RYR3: variants seen among roughly 807,000 people sequenced by gnomAD.
RYR3 encodes ryanodine receptor 3, also known as brain ryanodine receptor-calcium release channel.
A neutral mutation model predicts 584.3 loss-of-function variants in RYR3; 207 were observed. That is an observed-to-expected ratio of 0.35 (90% CI 0.32 to 0.40). The LOEUF (loss-of-function observed/expected upper bound fraction) is 0.40, where lower values mean the gene tolerates loss of function less well. Among genes scored for constraint, RYR3 ranks in the 10% least tolerant of loss-of-function variants. The probability of loss-of-function intolerance (pLI) is 1.00; values close to 1 mark genes in which losing one functional copy is unlikely to be tolerated. For synonymous variants in RYR3, 2,416 were observed against 2,248.5 expected, an observed-to-expected ratio of 1.07 and a Z score of -2.11; for missense variants, 5,616 against 6,089.2, an observed-to-expected ratio of 0.92 and a Z score of 2.59.
chr15:33,631,384 C>G (rs1197790715), intron 23 of RYR3, 91 bp downstream of exon 23: 1 of 791,510 alleles, frequency 1.3e-6, no homozygotes, highest in African/African-American at 1.8e-5. Flanking sequence ...GACAACAGCC[C>G]ACATAGTTGC....
At chr15:33,655,855 A>G (rs2062797517) in intron 32 of RYR3, among the ~76,000 whole-genome samples, 1 of 152,168 alleles carries the variant, frequency 6.6e-6, no homozygotes, top group Non-Finnish European at 1.5e-5. Context: ...TCATTTTTCA[A>G]TTATGTCAAG....
At chr15:33,778,663 T>C (rs1428583267) in intron 64 of RYR3, among the ~76,000 whole-genome samples, 1 of 152,238 alleles carries the variant, frequency 6.6e-6, no homozygotes, top group African/African-American at 2.4e-5. Flanking sequence ...CAATATCACC[T>C]GCGTCTCAGC....
intron 3 of RYR3, among the ~76,000 whole-genome samples, chr15:33,505,769 A>G (rs893666593): frequency 4.6e-5 from 7 of 152,084 alleles, no homozygotes; most frequent in Non-Finnish European, 5.9e-5. Context: ...TGGGATTACA[A>G]GTGTGAGCCA....
chr15:33,532,753 A>T (rs965940716), intron 4 of RYR3, among the ~76,000 whole-genome samples: 1 of 152,184 alleles, frequency 6.6e-6, no homozygotes, highest in Non-Finnish European at 1.5e-5. Flanking sequence ...TTTCTATAAC[A>T]TATAGTTCTA....
At chr15:33,321,249 A>T (rs8035153) in intron 1 of RYR3, among the ~76,000 whole-genome samples, 9,451 of 152,234 alleles carry the variant, frequency 0.062, 901 homozygotes, top group African/African-American at 0.21. Context: ...TTCTAATAAC[A>T]CAAGGTCATC....
chr15:33,566,871 CT>C, intron 12 of RYR3, 72 bp downstream of exon 12: 1 of 1,498,370 alleles, frequency 6.7e-7, no homozygotes, highest in Non-Finnish European at 9.3e-7. Context: ...CACCCACCTC[CT>C]TTTGATACTG....
intron 10 of RYR3, among the ~76,000 whole-genome samples, chr15:33,560,772 C>A (rs2057357685): frequency 6.6e-6 from 1 of 151,742 alleles, no homozygotes; most frequent in Non-Finnish European, 1.5e-5. Context: ...TGATGAATTG[C>A]CTATAAAGAA....
At chr15:33,543,853 C>A in intron 8 of RYR3, 138 bp downstream of exon 8, 1 of 691,920 alleles carries the variant, frequency 1.4e-6, no homozygotes. Context: ...GCCATGGGTT[C>A]CGGTTTGTAA....
intron 33 of RYR3, 93 bp downstream of exon 33, chr15:33,659,899 G>A (rs7162582): frequency 5.7e-6 from 5 of 873,636 alleles, no homozygotes; most frequent in African/African-American, 3.3e-5. Flanking sequence ...GATGGGAGAA[G>A]CCTGTTCACT....
intron 93 of RYR3, 109 bp downstream of exon 93, chr15:33,845,171 G>A (rs909708425): frequency 1.1e-5 from 11 of 1,032,836 alleles, no homozygotes; most frequent in African/African-American, 6.3e-5. Context: ...AAAGGCCTTC[G>A]TAAGGTCCGT....
chr15:33,710,764 G>T (rs1455342581), intron 43 of RYR3, among the ~76,000 whole-genome samples: 1 of 152,218 alleles, frequency 6.6e-6, no homozygotes, highest in Admixed American at 6.5e-5. Context: ...CATGGAAACT[G>T]CCAAGAGTTA....
At chr15:33,488,845 T>C (rs934584923) in intron 2 of RYR3, among the ~76,000 whole-genome samples, 6 of 152,072 alleles carry the variant, frequency 3.9e-5, no homozygotes, top group African/African-American at 1.4e-4. Context: ...AGCGAGACTC[T>C]ATCTCAAAAA....
chr15:33,404,273 C>T (rs886402005), intron 1 of RYR3, among the ~76,000 whole-genome samples: 5 of 152,124 alleles, frequency 3.3e-5, no homozygotes, highest in African/African-American at 7.2e-5. Context: ...TTTTATTGAA[C>T]GTGTATGTGT....
intron 1 of RYR3, among the ~76,000 whole-genome samples, chr15:33,378,889 C>G (rs2040947775): frequency 6.6e-6 from 1 of 151,734 alleles, no homozygotes; most frequent in Non-Finnish European, 1.5e-5. Context: ...TGCTTAAGCC[C>G]AGAAGTTCAA....
At chr15:33,786,290 C>T (rs1242201938) in intron 66 of RYR3, among the ~76,000 whole-genome samples, 1 of 152,144 alleles carries the variant, frequency 6.6e-6, no homozygotes, top group Non-Finnish European at 1.5e-5. Context: ...ACTCAAGAAT[C>T]CCATTAGCTC....
chr15:33,838,466 G>A lies in RYR3; in HGVS notation c.12486G>A (p.Leu4162=), dbSNP rs1196177535. 1.9e-6 allele frequency: 3 copies of A among 1,613,936 alleles called. No individual in the cohort carries two copies. Among genetic ancestry groups the A allele is most frequent in the Non-Finnish European group, 1.7e-6 (2 of 1,179,902 alleles). ...CCGACTTCCTGAAGAGAGCAACCCTGAAGAACCTCAGGAAGCAGTACAGGA... is the reference window on the plus strand; with the variant it reads ...CCGACTTCCTGAAGAGAGCAACCCTAAAGAACCTCAGGAAGCAGTACAGGA... The part of the protein sequence containing the change: ...NVTDFLKRAT[L]KNLRKQYRNV... The change falls in exon 89 of 104, where the codon CTG becomes CTA. Residue 4162 remains leucine (L), a synonymous_variant. Coordinates refer to ENST00000634891, the MANE Select transcript of RYR3 (RefSeq NM_001036.6).
chr15:33,531,223 A>T (rs1452938473), intron 4 of RYR3, among the ~76,000 whole-genome samples: 4 of 152,210 alleles, frequency 2.6e-5, no homozygotes, highest in Non-Finnish European at 4.4e-5. Flanking sequence ...AGAAAGCTGC[A>T]TGGCTATTAC....
chr15:33,314,566 T>A (rs1967819417), intron 1 of RYR3, among the ~76,000 whole-genome samples: 2 of 152,198 alleles, frequency 1.3e-5, no homozygotes, highest in Non-Finnish European at 1.5e-5. Context: ...TTATTGTTTT[T>A]AAAATATCAC....
chr15:33,738,197 A>C (rs1417034131), intron 49 of RYR3, among the ~76,000 whole-genome samples: 1 of 152,112 alleles, frequency 6.6e-6, no homozygotes, highest in Non-Finnish European at 1.5e-5. Context: ...TTTCCTAGTA[A>C]CTGCTAGGGG....
Sources: allele counts gnomAD v4.1 joint callset (sites outside exome capture counted in the v4.1 genomes callset), GRCh38; gene constraint gnomAD v4.1.1; transcripts MANE v1.5; gene names NCBI Gene and HGNC (gene_info 2026-07-23, HGNC 2026-07-21).